The following DPP6 variants were observed in gnomAD, a reference collection of about 807,000 sequenced individuals.
The protein encoded by DPP6 is A-type potassium channel modulatory protein DPP6.
A neutral mutation model predicts 122.6 loss-of-function variants in DPP6; 69 were observed. That is an observed-to-expected ratio of 0.56 (90% CI 0.46 to 0.69). The LOEUF (loss-of-function observed/expected upper bound fraction) is 0.69, where lower values mean the gene tolerates loss of function less well. Among genes scored for constraint, DPP6 ranks in the 30% least tolerant of loss-of-function variants. The pLI is 0.00. For synonymous variants in DPP6, 418 were observed against 433.1 expected, an observed-to-expected ratio of 0.97 and a Z score of 0.43; for missense variants, 928 against 1,116.9, an observed-to-expected ratio of 0.83 and a Z score of 2.41.
intron 1 of DPP6, among the ~76,000 whole-genome samples, chr7:154,244,830 T>A (rs1264315163): frequency 6.6e-6 from 1 of 151,846 alleles, no homozygotes; most frequent in Non-Finnish European, 1.5e-5. Context: ...AATATATGAG[T>A]ATAGGAAACT....
At chr7:154,879,069 C>T (rs548369533) in intron 20 of DPP6, among the ~76,000 whole-genome samples, 1 of 152,330 alleles carries the variant, frequency 6.6e-6, no homozygotes, top group Admixed American at 6.5e-5. Context: ...AGCACCTGCT[C>T]ATCAGCCCAG....
chr7:153,918,646 C>T (rs1254139584), intron 1 of DPP6, among the ~76,000 whole-genome samples: 2 of 147,354 alleles, frequency 1.4e-5, no homozygotes, highest in African/African-American at 5.0e-5. Context: ...GTGATATCAT[C>T]TCTGTGTAGC....
Position 154,885,711 on chromosome 7 carries a change from G to GCT in DPP6, c.2220_2221dup (p.Pro741LeufsTer3), listed in dbSNP as rs1238459026. 1 of 1,598,832 alleles carries GCT rather than the reference G, an allele frequency of 6.3e-7. No individual in the cohort carries two copies. Among genetic ancestry groups the GCT allele is most frequent in the Non-Finnish European group, 8.5e-7 (1 of 1,172,786 alleles). ...AGGCCAGACATTCACCTGCGGCTCT[G>GCT]CTCTCTCTCCAATAACAGACTTCAA... is the stretch of plus-strand genomic sequence containing the variant. On this transcript the variant is annotated frameshift_variant, in exon 22 of 26. Transcript: ENST00000377770. LOFTEE classifies it high-confidence loss of function.
chr7:153,910,371 A>T (rs1800032557), intron 1 of DPP6, among the ~76,000 whole-genome samples: 1 of 151,790 alleles, frequency 6.6e-6, no homozygotes, highest in Non-Finnish European at 1.5e-5. Context: ...CTGGGACTAT[A>T]GGCACGAGCC....
At chr7:154,443,729 T>C (rs760044950) in intron 1 of DPP6, among the ~76,000 whole-genome samples, 5 of 152,116 alleles carry the variant, frequency 3.3e-5, no homozygotes, top group Non-Finnish European at 7.3e-5. Context: ...TGTGGATGGA[T>C]GGATGGATGT....
the DPP6 span, among the ~76,000 whole-genome samples, chr7:153,828,508 C>T: frequency 6.6e-6 from 1 of 152,116 alleles, no homozygotes; most frequent in African/African-American, 2.4e-5. Context: ...AAAGTATATG[C>T]CATGTGTCAG....
chr7:154,353,356 C>T (rs926411280), intron 1 of DPP6, among the ~76,000 whole-genome samples: 2 of 152,146 alleles, frequency 1.3e-5, no homozygotes, highest in African/African-American at 4.8e-5. Context: ...GATACATGAG[C>T]ATGCAAGCAG....
At chr7:154,448,803 G>A (rs1193914929) in intron 2 of DPP6, among the ~76,000 whole-genome samples, 3 of 152,114 alleles carry the variant, frequency 2.0e-5, no homozygotes, top group Admixed American at 2.0e-4. Flanking sequence ...AGGGAGTCAA[G>A]ACCATTCAAT....
At chr7:154,781,526 T>C (rs1248254032) in intron 10 of DPP6, among the ~76,000 whole-genome samples, 2 of 152,178 alleles carry the variant, frequency 1.3e-5, no homozygotes, top group Admixed American at 6.5e-5. Flanking sequence ...AAGTCGTCAC[T>C]TTTCTGTGTT....
chr7:154,595,976 G>A (rs1027998304), intron 5 of DPP6, among the ~76,000 whole-genome samples: 4 of 152,150 alleles, frequency 2.6e-5, no homozygotes, highest in Non-Finnish European at 5.9e-5. Flanking sequence ...CAGGAGAATC[G>A]CTTGAACCCA....
chr7:154,008,918 G>T, intron 1 of DPP6, among the ~76,000 whole-genome samples: 1 of 149,360 alleles, frequency 6.7e-6, no homozygotes, highest in Non-Finnish European at 1.5e-5. Context: ...GCCCGCCTCG[G>T]CCTCCCAAAG....
intron 7 of DPP6, among the ~76,000 whole-genome samples, chr7:154,691,753 A>C (rs1270722538): frequency 3.3e-5 from 5 of 152,084 alleles, no homozygotes; most frequent in African/African-American, 1.2e-4. Context: ...CGGGAGGTGG[A>C]GGTGGCGGTG....
intron 1 of DPP6, among the ~76,000 whole-genome samples, chr7:154,426,090 A>G (rs1428308279): frequency 2.6e-5 from 4 of 151,826 alleles, no homozygotes; most frequent in African/African-American, 4.8e-5. Flanking sequence ...GAGACTATAG[A>G]TTGCTTGATT....
At chr7:154,725,900 G>A (rs1842040606) in intron 7 of DPP6, among the ~76,000 whole-genome samples, 1 of 152,160 alleles carries the variant, frequency 6.6e-6, no homozygotes, top group Non-Finnish European at 1.5e-5. Context: ...CATTCCAAAT[G>A]GGAGAAACTG....
chr7:154,464,522 G>C (rs1239342443), intron 2 of DPP6, among the ~76,000 whole-genome samples: 1 of 152,152 alleles, frequency 6.6e-6, no homozygotes, highest in Non-Finnish European at 1.5e-5. Context: ...TGGCCATCTT[G>C]CTCTGCCTCC....
intron 8 of DPP6, among the ~76,000 whole-genome samples, chr7:154,745,932 G>A (rs1253040183): frequency 6.6e-6 from 1 of 152,128 alleles, no homozygotes; most frequent in East Asian, 1.9e-4. Context: ...CAACATTGGG[G>A]ATCAAATTTC....
At chr7:154,424,920 G>A (rs952853206) in intron 1 of DPP6, among the ~76,000 whole-genome samples, 2 of 152,200 alleles carry the variant, frequency 1.3e-5, no homozygotes, top group Non-Finnish European at 2.9e-5. Flanking sequence ...TTGATCAAAG[G>A]TGAAGGTCAT....
chr7:154,887,657 T>G lies in DPP6; in HGVS notation c.2246-19T>G, dbSNP rs1015971730. The G allele has an allele frequency of 1.8e-5, 29 of 1,613,396 alleles. No homozygotes were observed. The highest frequency in any genetic ancestry group is 2.4e-5 in the Non-Finnish European group (28 of 1,179,452). On this transcript the variant is annotated intron_variant, in intron 22 of 25. Transcript: ENST00000377770. ...GCCTCGAAGCCAGAGGTAACCTCCC[T>G]CCCTTTGCTTCCGTGCAGCCTCTGC...
intron 17 of DPP6, among the ~76,000 whole-genome samples, chr7:154,864,787 T>C (rs1386198105): frequency 6.6e-6 from 1 of 152,220 alleles, no homozygotes. Context: ...GAACGAGGTA[T>C]TCACACGCAG....
Sources: gnomAD v4.1 joint callset for allele counts (sites outside exome capture counted in the v4.1 genomes callset) on GRCh38, gnomAD v4.1.1 for gene constraint, MANE v1.5 for transcripts, NCBI Gene and HGNC (gene_info 2026-07-23, HGNC 2026-07-21) for gene names.